Variants in PTPRK observed in about 807,000 individuals in gnomAD.
PTPRK encodes receptor-type tyrosine-protein phosphatase kappa.
In PTPRK, 75 loss-of-function variants were observed where a neutral mutation model predicts 178.0. The ratio of observed to expected loss-of-function variants is 0.42; its 90% confidence interval spans 0.35 to 0.51. The LOEUF (loss-of-function observed/expected upper bound fraction) is 0.51. PTPRK is among the 20% of genes least tolerant of loss of function. The probability of loss-of-function intolerance (pLI) is 0.02; values close to 1 mark genes in which losing one functional copy is unlikely to be tolerated. For synonymous variants in PTPRK, 637 were observed against 620.6 expected, an observed-to-expected ratio of 1.03 and a Z score of -0.39; for missense variants, 1,441 against 1,797.8, an observed-to-expected ratio of 0.80 and a Z score of 3.59.
chr6:128,064,959 A>G (rs746852116), intron 12 of PTPRK, among the ~76,000 whole-genome samples, 165 bp from the exon 13 acceptor site: 6 of 152,198 alleles, frequency 3.9e-5, no homozygotes, highest in Non-Finnish European at 5.9e-5. Context: ...CCCTAGGGAT[A>G]CTTAAAAATC....
At chr6:128,001,764 A>C (rs894262100) in intron 15 of PTPRK, among the ~76,000 whole-genome samples, 4 of 151,964 alleles carry the variant, frequency 2.6e-5, no homozygotes, top group African/African-American at 9.7e-5. Flanking sequence ...CCACAGGAGG[A>C]CCGAGACTTG....
chr6:128,471,855 T>A lies in PTPRK; in HGVS notation c.100+48404A>T, dbSNP rs139621647. 2.5e-3 allele frequency among the ~76,000 whole-genome samples: 385 copies of A among 152,168 alleles called. 6 individuals are homozygous for A. Among genetic ancestry groups the A allele is most frequent in the Admixed American group, 0.023 (347 of 15,248 alleles). ...ATCGTCATGCTGATTATGGTTTCTC[T>A]TCAATTACTTTAATTGAGCTAATGT... On this transcript the variant is annotated intron_variant, in intron 1 of 29. Coordinates refer to ENST00000368226, the MANE Select transcript of PTPRK (RefSeq NM_002844.4).
intron 7 of PTPRK, among the ~76,000 whole-genome samples, chr6:128,146,858 T>C (rs902060813): frequency 2.0e-5 from 3 of 152,202 alleles, no homozygotes; most frequent in African/African-American, 7.2e-5. Context: ...TTTAAAATCA[T>C]TCTGTGGAGC....
intron 3 of PTPRK, among the ~76,000 whole-genome samples, chr6:128,247,148 T>G (rs904475700): frequency 6.6e-6 from 1 of 152,316 alleles, no homozygotes; most frequent in South Asian, 2.1e-4. Context: ...CACGGGTTTC[T>G]TGTGAAGACT....
At chr6:128,068,509 C>T (rs968435471) in intron 11 of PTPRK, among the ~76,000 whole-genome samples, 2 of 152,072 alleles carry the variant, frequency 1.3e-5, no homozygotes, top group East Asian at 1.9e-4. Context: ...CTTCTGATAT[C>T]TTTAAGTCTT....
chr6:128,130,603 T>C (rs1794076342), intron 7 of PTPRK, among the ~76,000 whole-genome samples: 1 of 152,228 alleles, frequency 6.6e-6, no homozygotes, highest in Admixed American at 6.5e-5. Context: ...ATTTAGGAAA[T>C]GCTGGTTAAA....
chr6:128,458,380 T>A (rs1307421039), intron 1 of PTPRK, among the ~76,000 whole-genome samples: 1 of 152,172 alleles, frequency 6.6e-6, no homozygotes, highest in Non-Finnish European at 1.5e-5. Context: ...GATGACACTC[T>A]CCTTACAGAT....
At chr6:128,480,727 T>C (rs1851969731) in intron 1 of PTPRK, among the ~76,000 whole-genome samples, 1 of 152,176 alleles carries the variant, frequency 6.6e-6, no homozygotes. Context: ...TAATTGGACG[T>C]GAAGCCAAGG....
rs540700784 is a variant in PTPRK at position 128,480,503 on chromosome 6, A to C, written c.100+39756T>G. Among the ~76,000 whole-genome samples the C allele has an allele frequency of 9.3e-4, 141 of 152,230 alleles. 1 individual carries two copies. The highest frequency in any genetic ancestry group is 3.3e-3 in the African/African-American group (139 of 41,544). On this transcript the variant is annotated intron_variant, in intron 1 of 29. Coordinates refer to ENST00000368226, the MANE Select transcript of PTPRK (RefSeq NM_002844.4). ...CTCCGTGCTCTATCCATTCCTCTTC[A>C]ATTTTAAATGTGGTTCCAGCTCATG...
At chr6:128,187,115 C>T (rs1186382893) in intron 6 of PTPRK, among the ~76,000 whole-genome samples, 2 of 152,006 alleles carry the variant, frequency 1.3e-5, no homozygotes, top group Non-Finnish European at 2.9e-5. Flanking sequence ...ATTCTGAAAC[C>T]TGAACTTATG....
chr6:128,060,381 C>G (rs1006353036), intron 13 of PTPRK, among the ~76,000 whole-genome samples: 24 of 152,084 alleles, frequency 1.6e-4, no homozygotes, highest in Non-Finnish European at 2.9e-4. Flanking sequence ...TTAGTTATGT[C>G]CATCCTTAAG....
At chr6:128,430,201 T>A (rs1239562120) in intron 1 of PTPRK, among the ~76,000 whole-genome samples, 1 of 152,184 alleles carries the variant, frequency 6.6e-6, no homozygotes, top group Non-Finnish European at 1.5e-5. Context: ...AAATTCAAAC[T>A]CTCAGGAAGC....
intron 1 of PTPRK, among the ~76,000 whole-genome samples, chr6:128,467,773 AACTGTC>A (rs1259177896): frequency 6.6e-6 from 1 of 150,670 alleles, no homozygotes; most frequent in Non-Finnish European, 1.5e-5. Context: ...AAGCAAATGT[AACTGTC>A]CCATTAATCC....
At chr6:128,360,552 A>G (rs558489440) in intron 2 of PTPRK, among the ~76,000 whole-genome samples, 64 of 152,290 alleles carry the variant, frequency 4.2e-4, no homozygotes, top group African/African-American at 1.5e-3. Flanking sequence ...TATTAACCTA[A>G]TAAGTATGGT....
intron 7 of PTPRK, among the ~76,000 whole-genome samples, chr6:128,096,331 CT>C (rs1787895783): frequency 6.6e-6 from 1 of 152,146 alleles, no homozygotes; most frequent in Non-Finnish European, 1.5e-5. Flanking sequence ...TGAGTCACCT[CT>C]CAAGAGCAAG....
At chr6:128,400,003 T>A (rs1840811841) in intron 1 of PTPRK, among the ~76,000 whole-genome samples, 1 of 152,218 alleles carries the variant, frequency 6.6e-6, no homozygotes, top group Non-Finnish European at 1.5e-5. Flanking sequence ...TATAGCATAC[T>A]AATAAAACTT....
chr6:128,141,339 C>G (rs1288846502), intron 7 of PTPRK, among the ~76,000 whole-genome samples: 3 of 151,492 alleles, frequency 2.0e-5, no homozygotes, highest in Non-Finnish European at 4.4e-5. Flanking sequence ...TATATTTTAA[C>G]AAACACTAGA....
In PTPRK at chr6:128,110,157, C is replaced by T. The variant is rs191710897; in HGVS notation, c.1163-20165G>A. ...CAGACTGGTCTTAAACTTCTGGCCT[C>T]GAGCAGTCCTCCCATCTTGGTCTCC... On this transcript the variant is annotated intron_variant, in intron 7 of 29. Transcript: ENST00000368226. Among the ~76,000 whole-genome samples the T allele has an allele frequency of 7.2e-5, 11 of 152,210 alleles. No homozygotes were observed. The East Asian group carries it at 1.4e-3, about 19-fold the overall frequency.
chr6:128,159,675 TA>T (rs753522907), intron 7 of PTPRK, among the ~76,000 whole-genome samples: 15 of 149,390 alleles, frequency 1.0e-4, no homozygotes, highest in East Asian at 3.9e-4. Flanking sequence ...CTCTTGTATT[TA>T]AAAAAAAAAT....
Sources: gnomAD v4.1 joint callset for allele counts (sites outside exome capture counted in the v4.1 genomes callset) on GRCh38, gnomAD v4.1.1 for gene constraint, MANE v1.5 for transcripts, NCBI Gene and HGNC (gene_info 2026-07-23, HGNC 2026-07-21) for gene names.